The following PPP2R3A variants were observed in gnomAD, a reference collection of about 807,000 sequenced individuals.
PPP2R3A encodes protein phosphatase 2 regulatory subunit B''alpha.
A neutral mutation model predicts 106.9 loss-of-function variants in PPP2R3A; 80 were observed. The ratio of observed to expected loss-of-function variants is 0.75; its 90% CI spans 0.62 to 0.90. The LOEUF (loss-of-function observed/expected upper bound fraction) is 0.90. Among genes scored for constraint, PPP2R3A ranks in the 40% least tolerant of loss-of-function variants. The pLI is 0.00. For synonymous variants in PPP2R3A, 483 were observed against 468.3 expected, an observed-to-expected ratio of 1.03 and a Z score of -0.41; for missense variants, 1,386 against 1,350.4, an observed-to-expected ratio of 1.03 and a Z score of -0.41.
intron 6 of PPP2R3A, among the ~76,000 whole-genome samples, chr3:136,072,175 C>T (rs941831429): frequency 2.0e-5 from 3 of 152,002 alleles, no homozygotes; most frequent in East Asian, 3.9e-4. Context: ...TGTCCATCTC[C>T]GTCTCTATAA....
Position 136,001,518 on chromosome 3 carries a change from T to C in PPP2R3A, c.20T>C (p.Leu7Pro). The stretch of plus-strand genomic sequence containing the variant: ...GATATTATGGCAGCAACTTACAGAC[T>C]TGTGGTTAGTACTGTGAACCACTAC... MAATYR[L>P]VVSTVNHYSS... is the part of the protein sequence containing the mutation. The change falls in exon 2 of 14, where the codon CTT (leucine) becomes CCT (proline). Residue 7 changes from leucine (L) to proline (P), a missense_variant. By Grantham distance (98) the Leu-to-Pro change is moderately conservative. Transcript: ENST00000264977. 1 of 1,613,588 alleles carries C rather than the reference T, an allele frequency of 6.2e-7. No homozygotes were observed. Among genetic ancestry groups the C allele is most frequent in the Non-Finnish European group, 8.5e-7 (1 of 1,179,678 alleles).
At chr3:136,011,897 C>T (rs1934091032) in intron 2 of PPP2R3A, among the ~76,000 whole-genome samples, 2 of 151,990 alleles carry the variant, frequency 1.3e-5, no homozygotes, top group Non-Finnish European at 2.9e-5. Context: ...TTGTCACCAG[C>T]GTCCTTGACT....
chr3:136,074,069 A>G (rs1008070722), intron 6 of PPP2R3A, among the ~76,000 whole-genome samples: 32 of 152,216 alleles, frequency 2.1e-4, no homozygotes. Flanking sequence ...TGAATGTTAT[A>G]TAATCTTCGT....
chr3:135,994,964 A>C (rs930643672), intron 1 of PPP2R3A, among the ~76,000 whole-genome samples: 1 of 152,168 alleles, frequency 6.6e-6, no homozygotes, highest in Non-Finnish European at 1.5e-5. Context: ...GCCATATAGC[A>C]GTTTATTGTG....
intron 1 of PPP2R3A, among the ~76,000 whole-genome samples, chr3:135,998,676 A>T (rs1264952005): frequency 1.3e-5 from 2 of 152,226 alleles, no homozygotes; most frequent in African/African-American, 2.4e-5. Flanking sequence ...AAATATATGT[A>T]AAAGAATGTT....
chr3:136,089,599 G>T (rs921471341), intron 9 of PPP2R3A, among the ~76,000 whole-genome samples: 2 of 148,464 alleles, frequency 1.3e-5, no homozygotes, highest in Admixed American at 6.7e-5. Context: ...TTTTAGAATG[G>T]TGTTGTTTTT....
intron 5 of PPP2R3A, among the ~76,000 whole-genome samples, chr3:136,062,450 A>C (rs1275861210): frequency 6.6e-6 from 1 of 152,142 alleles, no homozygotes; most frequent in Non-Finnish European, 1.5e-5. Context: ...GGGGCTGGGC[A>C]CAGTGGCTCA....
chr3:136,015,024 T>C (rs1934221237), intron 2 of PPP2R3A, among the ~76,000 whole-genome samples: 1 of 152,214 alleles, frequency 6.6e-6, no homozygotes, highest in Non-Finnish European at 1.5e-5. Flanking sequence ...GCTGAGGTTT[T>C]AATCATAAAG....
At chr3:136,051,128 T>C (rs1559890123) in intron 5 of PPP2R3A, among the ~76,000 whole-genome samples, 1 of 152,206 alleles carries the variant, frequency 6.6e-6, no homozygotes, top group South Asian at 2.1e-4. Flanking sequence ...TGTTTTCGTA[T>C]CTAAATATTT....
At chr3:136,138,798 A>C (rs936271329) in intron 13 of PPP2R3A, among the ~76,000 whole-genome samples, 1 of 124,254 alleles carries the variant, frequency 8.0e-6, no homozygotes, top group South Asian at 2.6e-4. Context: ...AGCAACCTCC[A>C]CCTCCCAGGT....
intron 13 of PPP2R3A, among the ~76,000 whole-genome samples, chr3:136,118,889 C>T (rs1376309737): frequency 6.6e-6 from 1 of 152,090 alleles, no homozygotes; most frequent in Admixed American, 6.6e-5. Context: ...TCATATGGAA[C>T]CAAAAAAGAG....
chr3:135,977,256 T>C (rs2107753785), intron 1 of PPP2R3A, among the ~76,000 whole-genome samples: 1 of 152,344 alleles, frequency 6.6e-6, no homozygotes, highest in East Asian at 1.9e-4. Flanking sequence ...TTGACTCTTC[T>C]GGCACATTTT....
At chr3:136,025,678 G>A (rs1038055829) in intron 2 of PPP2R3A, among the ~76,000 whole-genome samples, 3 of 151,898 alleles carry the variant, frequency 2.0e-5, no homozygotes, top group African/African-American at 7.3e-5. Context: ...ATATATCATT[G>A]TTCAAACTTT....
intron 6 of PPP2R3A, among the ~76,000 whole-genome samples, chr3:136,072,418 C>G (rs949398851): frequency 6.6e-6 from 1 of 152,084 alleles, no homozygotes; most frequent in South Asian, 2.1e-4. Flanking sequence ...ATGGTGAAAC[C>G]CCGTCTCTAC....
At chr3:136,136,992 C>T (rs567348215) in intron 13 of PPP2R3A, among the ~76,000 whole-genome samples, 5 of 152,186 alleles carry the variant, frequency 3.3e-5, no homozygotes, top group Admixed American at 6.5e-5. Flanking sequence ...CATACAACAG[C>T]ATTTATATAA....
intron 13 of PPP2R3A, 176 bp downstream of exon 13, chr3:136,106,498 T>C (rs1937519033): frequency 1.7e-6 from 1 of 603,628 alleles, no homozygotes; most frequent in Non-Finnish European, 2.9e-6. Context: ...ACTCATTTCC[T>C]GACAGAGTCT....
chr3:136,093,401 C>A (rs1937140362), intron 10 of PPP2R3A, among the ~76,000 whole-genome samples: 1 of 151,776 alleles, frequency 6.6e-6, no homozygotes, highest in Admixed American at 6.6e-5. Flanking sequence ...AGAGTAAGAC[C>A]TCATCTCAAA....
At chr3:136,124,542 G>C (rs1167243570) in intron 13 of PPP2R3A, among the ~76,000 whole-genome samples, 1 of 151,842 alleles carries the variant, frequency 6.6e-6, no homozygotes, top group Non-Finnish European at 1.5e-5. Context: ...TGCTTAGAGG[G>C]ACAGTTATCA....
chr3:136,069,603 A>G (rs967785584), intron 5 of PPP2R3A, among the ~76,000 whole-genome samples: 3 of 152,182 alleles, frequency 2.0e-5, no homozygotes, highest in Non-Finnish European at 4.4e-5. Flanking sequence ...TGTAATATGT[A>G]TAATAATAAG....
Sources: gnomAD v4.1 joint callset for allele counts (sites outside exome capture counted in the v4.1 genomes callset) on GRCh38, gnomAD v4.1.1 for gene constraint, MANE v1.5 for transcripts, NCBI Gene and HGNC (gene_info 2026-07-23, HGNC 2026-07-21) for gene names.